Variants in ARHGEF38 observed in about 807,000 individuals in gnomAD.
ARHGEF38 encodes the protein Rho guanine nucleotide exchange factor 38, also known as Rho guanine nucleotide exchange factor (GEF) 38.
A neutral mutation model predicts 79.9 loss-of-function variants in ARHGEF38; 79 were observed. That is an observed-to-expected ratio of 0.99 (90% CI 0.82 to 1.19). The LOEUF is 1.19. Ranked by LOEUF, ARHGEF38 falls within the 50% of genes most tolerant of loss-of-function variation. The pLI is 0.00. For missense variants in ARHGEF38, 962 were observed against 907.2 expected (o/e 1.06, Z -0.78); for synonymous variants, 366 against 328.3 (o/e 1.11, Z -1.24).
intron 1 of ARHGEF38, among the ~76,000 whole-genome samples, chr4:105,576,224 AC>A (rs2110431794): frequency 6.6e-6 from 1 of 152,268 alleles, no homozygotes; most frequent in South Asian, 2.1e-4. Flanking sequence ...TTGAATCTGT[AC>A]ATTGCTTTGG....
chr4:105,568,190 G>A (rs539744170), intron 1 of ARHGEF38, among the ~76,000 whole-genome samples: 3 of 152,028 alleles, frequency 2.0e-5, no homozygotes, highest in Non-Finnish European at 2.9e-5. Context: ...CACATGAACA[G>A]ACACTTCTCA....
intron 1 of ARHGEF38, among the ~76,000 whole-genome samples, chr4:105,558,253 T>C (rs1332054535): frequency 6.6e-6 from 1 of 152,194 alleles, no homozygotes; most frequent in East Asian, 1.9e-4. Context: ...TTTAAGAATA[T>C]AGACAGTCTG....
At chr4:105,650,557 T>C (rs1420722269) in intron 7 of ARHGEF38, among the ~76,000 whole-genome samples, 1 of 152,222 alleles carries the variant, frequency 6.6e-6, no homozygotes. Flanking sequence ...ACAGAGGTTC[T>C]GGTCTAGACT....
At chr4:105,587,369 G>A (rs199332) in intron 1 of ARHGEF38, among the ~76,000 whole-genome samples, 8,026 of 152,248 alleles carry the variant, frequency 0.053, 246 homozygotes, top group Middle Eastern at 0.13. Context: ...ATATAGATCA[G>A]GATTGGAGGG....
At chr4:105,629,431 T>A (rs141410535) in intron 3 of ARHGEF38, among the ~76,000 whole-genome samples, 171 of 152,192 alleles carry the variant, frequency 1.1e-3, no homozygotes, top group African/African-American at 4.0e-3. Flanking sequence ...AGGAAGTTAA[T>A]GTGTGAAAAA....
chr4:105,679,268 G>T lies in ARHGEF38; in HGVS notation c.*1331G>T. 1 of 690,028 alleles carries T rather than the reference G, an allele frequency of 1.4e-6. No individual in the cohort carries two copies. Among genetic ancestry groups the T allele is most frequent in the South Asian group, 1.8e-5 (1 of 56,570 alleles). The allele number at this position is 690,028 out of a possible 1,614,324, so 42.7% of individuals were successfully genotyped here. ...TTCTTTAATTTCAGGTAATTTAGCT[G>T]GCACTGAGAGTATCCAGCCGGAATC... is the stretch of plus-strand genomic sequence containing the variant. On this transcript the variant is annotated 3_prime_UTR_variant, in exon 14 of 14. Transcript: ENST00000420470.
chr4:105,677,698 T>C, intron 13 of ARHGEF38, 54 bp from the exon 14 acceptor site: 1 of 1,341,382 alleles, frequency 7.5e-7, no homozygotes, highest in East Asian at 2.6e-5. Context: ...TTTATGATGT[T>C]TCTCTTAATA....
chr4:105,638,221 G>T (rs1447096), intron 5 of ARHGEF38, among the ~76,000 whole-genome samples: 52,276 of 151,840 alleles, frequency 0.34, 12,850 homozygotes, highest in African/African-American at 0.69. Context: ...CGTTTTTTAG[G>T]TTTTTTTTAC....
At chr4:105,632,651 A>G (rs372398635) in intron 4 of ARHGEF38, 1 of 152,236 alleles carries the variant, frequency 6.6e-6, no homozygotes, top group African/African-American at 2.4e-5. Flanking sequence ...TGATCCAATA[A>G]AAGCTGGAGC....
intron 2 of ARHGEF38, 116 bp downstream of exon 2, chr4:105,589,551 C>T: frequency 1.1e-6 from 1 of 895,232 alleles, no homozygotes; most frequent in Non-Finnish European, 1.6e-6. Context: ...CTCCCCAAAA[C>T]AGCACTGTTC....
rs1491172509 is a variant in ARHGEF38 at position 105,561,469 on chromosome 4, A to AGAATGGAATGGAATGGAATAGAATG, written c.196+8512_196+8513insGGAATGGAATGGAATAGAATGGAAT. The AGAATGGAATGGAATGGAATAGAATG allele has an allele frequency of 4.2e-3, 211 of 49,674 alleles. 21 individuals are homozygous for AGAATGGAATGGAATGGAATAGAATG. Among genetic ancestry groups the AGAATGGAATGGAATGGAATAGAATG allele is most frequent in the Non-Finnish European group, 7.1e-3 (174 of 24,564 alleles). The allele number at this position is 49,674 out of a possible 1,614,324, so 3.1% of individuals were successfully genotyped here. On this transcript the variant is annotated intron_variant, in intron 1 of 13. Transcript: ENST00000420470. ...AGAATGGAATAGAATAGAATAGAATAGAATAGAATAGAATAGAATAGAATA... is the reference window on the plus strand; with the variant it reads ...AGAATGGAATAGAATAGAATAGAATAGAATGGAATGGAATGGAATAGAATGGAATAGAATAGAATAGAATAGAATA...
rs181701590 is a variant in ARHGEF38 at position 105,644,557 on chromosome 4, A to G, written c.675-631A>G. On this transcript the variant is annotated intron_variant, in intron 5 of 13. Transcript: ENST00000420470. Reference sequence around the variant, plus strand: ...AGTCTCACTTTTGTGTAGTCATTTGAAGATTTGTTGACTAAGAATTCCACA... The same window carrying G: ...AGTCTCACTTTTGTGTAGTCATTTGGAGATTTGTTGACTAAGAATTCCACA... Among the ~76,000 whole-genome samples, 657 of 152,334 alleles carry G rather than the reference A, an allele frequency of 4.3e-3. 7 individuals carry two copies. The highest frequency in any genetic ancestry group is 0.015 in the African/African-American group (620 of 41,568).
chr4:105,572,161 T>C (rs866388481), intron 1 of ARHGEF38, among the ~76,000 whole-genome samples: 4 of 132,028 alleles, frequency 3.0e-5, no homozygotes, highest in Middle Eastern at 3.4e-3. Flanking sequence ...AGAAGATCTG[T>C]TTTGTTTAAA....
At chr4:105,613,723 A>G (rs1234546199) in intron 3 of ARHGEF38, among the ~76,000 whole-genome samples, 2 of 152,084 alleles carry the variant, frequency 1.3e-5, no homozygotes, top group Admixed American at 1.3e-4. Context: ...AGCACAAAAC[A>G]TACCATTTGC....
At chr4:105,554,421 T>C (rs1725159111) in intron 1 of ARHGEF38, among the ~76,000 whole-genome samples, 1 of 152,170 alleles carries the variant, frequency 6.6e-6, no homozygotes. Flanking sequence ...GTATGTCTAA[T>C]GTTTAGCTCT....
downstream of ARHGEF38, among the ~76,000 whole-genome samples, chr4:105,681,730 G>T (rs1731317487): frequency 6.6e-6 from 1 of 152,058 alleles, no homozygotes; most frequent in South Asian, 2.1e-4. Context: ...TCATCATCAG[G>T]TCTGATTTTT....
chr4:105,598,674 A>AT (rs143585627), intron 2 of ARHGEF38, among the ~76,000 whole-genome samples: 3,616 of 148,620 alleles, frequency 0.024, 62 homozygotes, highest in African/African-American at 0.051. Context: ...TTAGAACTCC[A>AT]TTTTTTTTTT....
chr4:105,635,766 G>A (rs561462406), intron 4 of ARHGEF38, among the ~76,000 whole-genome samples: 13 of 151,932 alleles, frequency 8.6e-5, no homozygotes, highest in Non-Finnish European at 1.5e-4. Context: ...TTAAACAGTC[G>A]TGAATAATTG....
At chr4:105,646,564 A>G (rs545125527) in intron 6 of ARHGEF38, among the ~76,000 whole-genome samples, 4 of 152,340 alleles carry the variant, frequency 2.6e-5, no homozygotes, top group African/African-American at 9.6e-5. Context: ...GAACAACTTG[A>G]CAATACCTAG....
Sources: allele counts gnomAD v4.1 joint callset (sites outside exome capture counted in the v4.1 genomes callset), GRCh38; gene constraint gnomAD v4.1.1; transcripts MANE v1.5; gene names NCBI Gene and HGNC (gene_info 2026-07-23, HGNC 2026-07-21).